Variants in CHAMP1 observed in about 807,000 individuals in gnomAD.
The protein encoded by CHAMP1 is chromosome alignment maintaining phosphoprotein 1, also known as chromosome alignment-maintaining phosphoprotein 1.
Under a neutral mutation model 54.5 loss-of-function variants are expected in CHAMP1, and 4 were observed. That is an observed-to-expected ratio of 0.07 (90% CI 0.04 to 0.17). The LOEUF is 0.17. CHAMP1 is among the 10% of genes least tolerant of loss of function. The pLI is 1.00. For missense variants in CHAMP1, 994 were observed against 968.6 expected, an observed-to-expected ratio of 1.03 and a Z score of -0.35; for synonymous variants, 368 against 342.2, an observed-to-expected ratio of 1.08 and a Z score of -0.83.
chr13:114,323,213 A>G (rs2087195344), intron 2 of CHAMP1: 1 of 152,236 alleles, frequency 6.6e-6, no homozygotes, highest in Non-Finnish European at 1.5e-5. Context: ...AAATGAATTA[A>G]TAGAATACTA....
In CHAMP1 at chr13:114,325,164, AACCCTCAGGGTC is replaced by A. The variant is rs1555379731; in HGVS notation, c.1326_1337del (p.Ser443_Pro446del). The A allele has an allele frequency of 3.7e-6, 6 of 1,613,984 alleles. No homozygotes were observed. The highest frequency in any genetic ancestry group is 4.2e-6 in the Non-Finnish European group (5 of 1,180,012). On this transcript the variant is annotated inframe_deletion, in exon 3 of 3. Coordinates refer to ENST00000361283, the MANE Select transcript of CHAMP1 (RefSeq NM_032436.4). The stretch of plus-strand genomic sequence containing the variant: ...CCAGCAGGATCTCCAGAGCTCAGAA[AACCCTCAGGGTC>A]ACCAGATCTTTGGAAGCTTTCTCCT...
rs370877959 is a variant in CHAMP1, at chr13:114,323,914, A to C, written c.72A>C (p.Thr24=). Residue 24 remains threonine, a synonymous_variant, in exon 3 of 3, where the codon ACA becomes ACC. Transcript: ENST00000361283. Reference sequence around the variant, plus strand: ...GTGACCATTGCAGTTTCAGAGGCACAGACTATGAAAATGTACAAATCCATA... The same window carrying C: ...GTGACCATTGCAGTTTCAGAGGCACCGACTATGAAAATGTACAAATCCATA... The part of the protein sequence containing the change: ...LECDHCSFRG[T]DYENVQIHMG... The C allele has an allele frequency of 3.3e-5, 53 of 1,614,046 alleles. No individual in the cohort carries two copies. The highest frequency in any genetic ancestry group is 3.5e-5 in the Non-Finnish European group (41 of 1,179,982).
Position 114,326,339 on chromosome 13 carries a change from T to G in CHAMP1, c.*58T>G, listed in dbSNP as rs1451105349. ...GTTTGTTGGAACCATTCTTTGTAAG[T>G]ATAGCTTATCAGATAGCATAGTTGG... On this transcript the variant is annotated 3_prime_UTR_variant, in exon 3 of 3. Transcript: ENST00000361283. 12 of 1,505,890 alleles carry G rather than the reference T, an allele frequency of 8.0e-6. No homozygotes were observed. In the Admixed American group the frequency reaches 1.4e-4, roughly 17 times the overall value. 93.3% of individuals were successfully genotyped at this position (1,505,890 alleles called of 1,614,324 possible).
Position 114,324,194 on chromosome 13 carries a change from C to T in CHAMP1, c.352C>T (p.Pro118Ser), listed in dbSNP as rs2087206906. 2 of 1,614,106 alleles carry T rather than the reference C, an allele frequency of 1.2e-6. No individual in the cohort carries two copies. The highest frequency in any genetic ancestry group is 1.7e-6 in the Non-Finnish European group (2 of 1,180,024). The change falls in exon 3 of 3, where the codon CCC (proline) becomes TCC (serine). Residue 118 changes from proline (P) to serine (S), a missense_variant. Pro to Ser is a moderately conservative substitution (Grantham distance 74). Transcript: ENST00000361283. The stretch of plus-strand genomic sequence containing the variant: ...TCCTCTTCCTGAACACCAGAAAATA[C>T]CCTGCAATTCAGCAGAACCAAAATC... ...SPPLPEHQKI[P>S]CNSAEPKSIP... is the part of the protein sequence containing the mutation.
In CHAMP1 at chr13:114,325,050, CGTT is replaced by C. The variant is rs781917636; in HGVS notation, c.1211_1213del (p.Leu404del). 13 of 1,614,050 alleles carry C rather than the reference CGTT, an allele frequency of 8.1e-6. No homozygotes were observed. Among genetic ancestry groups the C allele is most frequent in the Non-Finnish European group, 1.1e-5 (13 of 1,180,046 alleles). ...CCAGAACTCCGAAAGACAGCTCCCA[CGTT>C]GTCTCCTGAACATTGGAAGGCAGTT... On this transcript the variant is annotated inframe_deletion, in exon 3 of 3. Coordinates refer to ENST00000361283, the MANE Select transcript of CHAMP1 (RefSeq NM_032436.4).
At chr13:114,315,817 G>T (rs1331747436) in intron 1 of CHAMP1, among the ~76,000 whole-genome samples, 1 of 150,432 alleles carries the variant, frequency 6.6e-6, no homozygotes, top group Non-Finnish European at 1.5e-5. Context: ...TTTTAAAAAT[G>T]ATTAAATGGC....
rs192712265 is a variant in CHAMP1 at position 114,316,159 on chromosome 13, A to G, written c.-179+1516A>G. Among the ~76,000 whole-genome samples the G allele has an allele frequency of 1.8e-4, 27 of 149,420 alleles. No homozygotes were observed. In the East Asian group the frequency reaches 4.0e-3, roughly 22 times the overall value. Reference sequence around the variant, plus strand: ...CCTAAATGGCAAGTTTTTTGTTTTTATTTTTGTTTTTGTTTTTTAATGAGC... The same window carrying G: ...CCTAAATGGCAAGTTTTTTGTTTTTGTTTTTGTTTTTGTTTTTTAATGAGC... On this transcript the variant is annotated intron_variant, in intron 1 of 2. Coordinates refer to ENST00000361283, the MANE Select transcript of CHAMP1 (RefSeq NM_032436.4).
chr13:114,321,668 T>G (rs914260337), intron 2 of CHAMP1, among the ~76,000 whole-genome samples: 1 of 152,232 alleles, frequency 6.6e-6, no homozygotes, highest in Non-Finnish European at 1.5e-5. Flanking sequence ...CCCTAAAGTC[T>G]TCTAGTTTTA....
At chr13:114,320,019 A>G (rs1400606333) in intron 1 of CHAMP1, among the ~76,000 whole-genome samples, 1 of 152,184 alleles carries the variant, frequency 6.6e-6, no homozygotes, top group Non-Finnish European at 1.5e-5. Flanking sequence ...AGATCACATT[A>G]GGCTTCTGTT....
chr13:114,315,994 A>C (rs2087094799), intron 1 of CHAMP1, among the ~76,000 whole-genome samples: 3 of 151,764 alleles, frequency 2.0e-5, no homozygotes, highest in Non-Finnish European at 4.4e-5. Flanking sequence ...TTGCCACCAC[A>C]CCTGGCTAAT....
Position 114,324,181 on chromosome 13 carries a change from A to C in CHAMP1, c.339A>C (p.Glu113Asp). 6.2e-7 allele frequency: 1 copy of C among 1,614,206 alleles called. No homozygotes were observed. Among genetic ancestry groups the C allele is most frequent in the Non-Finnish European group, 8.5e-7 (1 of 1,180,046 alleles). ...TDPVKSPPLP[E>D]HQKIPCNSAE... is the part of the protein sequence containing the mutation. ...CTGTGAAAAGCCCTCCTCTTCCTGA[A>C]CACCAGAAAATACCCTGCAATTCAG... Residue 113 changes from glutamate (E) to aspartate (D), a missense_variant, in exon 3 of 3, where the codon GAA becomes GAC. This residue lies in a region of CHAMP1 where 851 missense variants were observed against 701.3 expected (regional missense o/e 1.21). Coordinates refer to ENST00000361283, the MANE Select transcript of CHAMP1 (RefSeq NM_032436.4).
intron 1 of CHAMP1, among the ~76,000 whole-genome samples, chr13:114,316,953 G>A (rs1482613387): frequency 1.3e-5 from 2 of 152,092 alleles, no homozygotes; most frequent in Non-Finnish European, 2.9e-5. Context: ...GGGAATTCTT[G>A]TACATTCCCT....
At chr13:114,315,936 A>G (rs201687448) in intron 1 of CHAMP1, among the ~76,000 whole-genome samples, 1 of 149,548 alleles carries the variant, frequency 6.7e-6, no homozygotes, top group East Asian at 2.0e-4. Context: ...CCCTGGGTTC[A>G]AGGGATTCTT....
At chr13:114,315,476 A>G (rs1161529023) in intron 1 of CHAMP1, among the ~76,000 whole-genome samples, 1 of 152,234 alleles carries the variant, frequency 6.6e-6, no homozygotes, top group East Asian at 1.9e-4. Flanking sequence ...CATGTGGATG[A>G]AAGGCAAGCT....
chr13:114,323,878 A>G lies in CHAMP1; in HGVS notation c.36A>G (p.Ala12=). 6.2e-7 allele frequency: 1 copy of G among 1,609,778 alleles called. No homozygotes were observed. Among genetic ancestry groups the G allele is most frequent in the Non-Finnish European group, 8.5e-7 (1 of 1,176,804 alleles). The change falls in exon 3 of 3, where the codon GCA becomes GCG. Residue 12 remains alanine, a synonymous_variant. Transcript: ENST00000361283. ...TCCAGGAACTTCGTAAACCATCAGC[A>G]CGTTTGGAGTGTGACCATTGCAGTT... ...EAFQELRKPS[A]RLECDHCSFR...
chr13:114,325,990 T>C lies in CHAMP1; in HGVS notation c.2148T>C (p.Cys716=). ...AGTATTATTGCAAAATTTGTTGCTG[T>C]CGTGCTATGAAAAAAGGTGCTGTTT... is the stretch of plus-strand genomic sequence containing the variant. ...KGKYYCKICC[C]RAMKKGAVLH... is the part of the protein sequence containing the mutation. Residue 716 remains cysteine, a synonymous_variant, in exon 3 of 3, where the codon TGT becomes TGC. Transcript: ENST00000361283. 6.2e-7 allele frequency: 1 copy of C among 1,614,222 alleles called. No homozygotes were observed. The highest frequency in any genetic ancestry group is 8.5e-7 in the Non-Finnish European group (1 of 1,180,036).
In CHAMP1 at chr13:114,324,895, T is replaced by G; in HGVS notation, c.1053T>G (p.Ile351Met). The G allele has an allele frequency of 6.2e-7, 1 of 1,614,100 alleles. No homozygotes were observed. The highest frequency in any genetic ancestry group is 8.5e-7 in the Non-Finnish European group (1 of 1,179,988). The stretch of plus-strand genomic sequence containing the variant: ...TGTCTCCTGGACCTTGGAAACCAAT[T>G]CCTTCTGTATCTCCTGGACCTTGGA... ...PSVSPGPWKP[I>M]PSVSPGPWKP... Residue 351 changes from isoleucine to methionine, a missense_variant, in exon 3 of 3, where the codon ATT becomes ATG. Ile to Met is a conservative substitution (Grantham distance 10). Coordinates refer to ENST00000361283, the MANE Select transcript of CHAMP1 (RefSeq NM_032436.4).
chr13:114,324,778 G>T lies in CHAMP1; in HGVS notation c.936G>T (p.Trp312Cys). ...CCCCCGCTGTGTCACCAGGCTCTTG[G>T]AAACCAGGGCCACCTGGGTCCCCTA... ...RPAPAVSPGS[W>C]KPGPPGSPRP... is the part of the protein sequence containing the mutation. The change falls in exon 3 of 3, where the codon TGG becomes TGT. Residue 312 changes from tryptophan to cysteine, a missense_variant. Trp to Cys is a radical substitution (Grantham distance 215, BLOSUM62 -2). Transcript: ENST00000361283. 1 of 1,613,970 alleles carries T rather than the reference G, an allele frequency of 6.2e-7. No individual in the cohort carries two copies. The highest frequency in any genetic ancestry group is 8.5e-7 in the Non-Finnish European group (1 of 1,179,902).
intron 2 of CHAMP1, among the ~76,000 whole-genome samples, chr13:114,321,635 A>G (rs569790036): frequency 1.2e-3 from 180 of 152,272 alleles, no homozygotes; most frequent in Non-Finnish European, 2.0e-3. Context: ...TCATGGGATT[A>G]TTGAGACATA....
Sources: allele counts gnomAD v4.1 joint callset (sites outside exome capture counted in the v4.1 genomes callset), GRCh38; gene constraint gnomAD v4.1.1; regional missense constraint gnomAD v4.1.1; transcripts MANE v1.5; gene names NCBI Gene and HGNC (gene_info 2026-07-23, HGNC 2026-07-21).